The following PCDH15 variants were observed in gnomAD, a reference collection of about 807,000 sequenced individuals.
The protein encoded by PCDH15 is protocadherin-15.
Under a neutral mutation model 178.5 loss-of-function variants are expected in PCDH15, and 129 were observed. The observed-to-expected ratio is 0.72, with a 90% CI of 0.63 to 0.84. The LOEUF (loss-of-function observed/expected upper bound fraction) is 0.84, where lower values mean the gene tolerates loss of function less well. Among genes scored for constraint, PCDH15 ranks in the 40% least tolerant of loss-of-function variants. PCDH15 has a pLI of 0.00. For synonymous variants in PCDH15, 800 were observed against 732.0 expected, an observed-to-expected ratio of 1.09 and a Z score of -1.50; for missense variants, 2,230 against 2,099.9, an observed-to-expected ratio of 1.06 and a Z score of -1.21.
intron 2 of PCDH15, among the ~76,000 whole-genome samples, chr10:54,905,393 T>C (rs1304225865): frequency 1.3e-5 from 2 of 152,136 alleles, no homozygotes; most frequent in African/African-American, 2.4e-5. Context: ...CCAATGAATT[T>C]GTTTGATAAA....
intron 16 of PCDH15, among the ~76,000 whole-genome samples, chr10:54,088,330 T>C (rs1046305388): frequency 6.6e-6 from 1 of 152,192 alleles, no homozygotes; most frequent in Admixed American, 6.5e-5. Context: ...CATATTTCCA[T>C]GTGCTTGTTG....
At chr10:54,883,806 T>G (rs1312656694) in intron 3 of PCDH15, among the ~76,000 whole-genome samples, 5 of 152,032 alleles carry the variant, frequency 3.3e-5, no homozygotes, top group Non-Finnish European at 7.4e-5. Context: ...TATCAGTTAA[T>G]AAAATTGATT....
intron 2 of PCDH15, among the ~76,000 whole-genome samples, chr10:55,334,862 A>C (rs1385070070): frequency 6.6e-6 from 1 of 152,208 alleles, no homozygotes; most frequent in African/African-American, 2.4e-5. Context: ...AGGATTATTT[A>C]TACAGAGTAT....
intron 2 of PCDH15, among the ~76,000 whole-genome samples, chr10:55,129,321 A>G (rs2132075728): frequency 6.6e-6 from 1 of 152,220 alleles, no homozygotes; most frequent in African/African-American, 2.4e-5. Context: ...ATTTAAACTA[A>G]AATTAGGTCA....
intron 2 of PCDH15, among the ~76,000 whole-genome samples, chr10:55,138,887 T>C (rs184498039): frequency 6.6e-6 from 1 of 152,122 alleles, no homozygotes; most frequent in Non-Finnish European, 1.5e-5. Context: ...CTTTGTATAT[T>C]TTTTTAAACC....
At chr10:54,601,673 A>G (rs2134089653) in intron 2 of PCDH15, among the ~76,000 whole-genome samples, 1 of 152,112 alleles carries the variant, frequency 6.6e-6, no homozygotes, top group African/African-American at 2.4e-5. Context: ...CATTTGACCC[A>G]GCAATCCCAT....
chr10:55,395,854 C>A (rs2488835), intron 2 of PCDH15, among the ~76,000 whole-genome samples: 68,618 of 151,418 alleles, frequency 0.45, 16,322 homozygotes, highest in Middle Eastern at 0.54. Context: ...ACAAAAAAAA[C>A]CAAACATAAA....
intron 25 of PCDH15, among the ~76,000 whole-genome samples, chr10:53,917,310 T>C (rs1410520165): frequency 6.6e-6 from 1 of 152,156 alleles, no homozygotes; most frequent in East Asian, 1.9e-4. Context: ...TGCAGGATCA[T>C]AGCTGAGGAA....
At chr10:55,093,032 T>G (rs1431732934) in intron 2 of PCDH15, among the ~76,000 whole-genome samples, 2 of 152,002 alleles carry the variant, frequency 1.3e-5, no homozygotes, top group African/African-American at 4.8e-5. Flanking sequence ...TATAGCACAA[T>G]GAAGATGAAC....
intron 26 of PCDH15, among the ~76,000 whole-genome samples, chr10:53,902,762 G>A (rs1271794087): frequency 1.3e-5 from 2 of 151,872 alleles, no homozygotes; most frequent in African/African-American, 4.8e-5. Context: ...GAGACATCAA[G>A]GTTTTTGTAA....
intron 2 of PCDH15, among the ~76,000 whole-genome samples, chr10:54,933,515 A>T (rs1158633888): frequency 5.3e-5 from 8 of 152,192 alleles, no homozygotes. Context: ...GGAATAGAAG[A>T]GCAAAAGAGA....
chr10:54,082,763 A>AC (rs201317305), intron 16 of PCDH15, among the ~76,000 whole-genome samples: 31,312 of 85,462 alleles, frequency 0.37, 5,507 homozygotes, highest in African/African-American at 0.58. Flanking sequence ...GTCAAAATAA[A>AC]AAAAAAAAAA....
chr10:53,834,562 T>C (rs2077197558), intron 29 of PCDH15, among the ~76,000 whole-genome samples: 1 of 151,392 alleles, frequency 6.6e-6, no homozygotes, highest in Non-Finnish European at 1.5e-5. Flanking sequence ...GTGTACTCAG[T>C]TACTATATGC....
chr10:54,100,684 T>C (rs1387643908), intron 15 of PCDH15, among the ~76,000 whole-genome samples: 2 of 152,108 alleles, frequency 1.3e-5, no homozygotes, highest in African/African-American at 4.8e-5. Context: ...AAAAAATCGA[T>C]TTGTAAAGCA....
chr10:54,532,942 T>C (rs991973195), intron 2 of PCDH15, among the ~76,000 whole-genome samples: 3 of 152,114 alleles, frequency 2.0e-5, no homozygotes, highest in Non-Finnish European at 4.4e-5. Flanking sequence ...TGGGTGTGTG[T>C]GTGAGTTGCC....
intron 17 of PCDH15, among the ~76,000 whole-genome samples, chr10:54,071,951 C>T (rs1211118508): frequency 6.6e-6 from 1 of 151,934 alleles, no homozygotes; most frequent in Non-Finnish European, 1.5e-5. Context: ...ACAATGTCAG[C>T]TCAATGAATA....
chr10:54,897,567 A>G (rs1215559565), intron 2 of PCDH15: 1 of 152,220 alleles, frequency 6.6e-6, no homozygotes, highest in African/African-American at 2.4e-5. Flanking sequence ...ACAATTATGT[A>G]TTATTTAAAA....
chr10:54,055,216 T>G (rs2610904), intron 18 of PCDH15, among the ~76,000 whole-genome samples: 31,688 of 152,068 alleles, frequency 0.21, 3,460 homozygotes, highest in Non-Finnish European at 0.23. Flanking sequence ...ATATCTTAGC[T>G]AAGATTTAGC....
chr10:55,091,992 G>T (rs1284841336), intron 2 of PCDH15, among the ~76,000 whole-genome samples: 2 of 151,822 alleles, frequency 1.3e-5, no homozygotes, highest in Admixed American at 6.6e-5. Context: ...ATTAAAATAT[G>T]AAAATAACTT....
Sources: allele counts gnomAD v4.1 joint callset (sites outside exome capture counted in the v4.1 genomes callset), GRCh38; gene constraint gnomAD v4.1.1; transcripts MANE v1.5; gene names NCBI Gene and HGNC (gene_info 2026-07-23, HGNC 2026-07-21).